Variants in CSMD1 observed in about 807,000 individuals in gnomAD.
CSMD1 encodes CUB and Sushi multiple domains 1.
Under a neutral mutation model 417.5 loss-of-function variants are expected in CSMD1, and 213 were observed. That is an observed-to-expected ratio of 0.51 (90% CI 0.46 to 0.57). The LOEUF is 0.57. CSMD1 is among the 20% of genes least tolerant of loss of function. CSMD1 has a pLI of 0.00. For missense variants in CSMD1, 6,923 were observed against 4,529.7 expected, an observed-to-expected ratio of 1.53 and a Z score of -15.17; for synonymous variants, 2,862 against 1,736.8, an observed-to-expected ratio of 1.65 and a Z score of -16.11.
chr8:3,837,478 C>G (rs1160076100), intron 5 of CSMD1, among the ~76,000 whole-genome samples: 1 of 152,028 alleles, frequency 6.6e-6, no homozygotes, highest in Non-Finnish European at 1.5e-5. Flanking sequence ...GGACCTAATG[C>G]TGAACAGCAG....
intron 5 of CSMD1, among the ~76,000 whole-genome samples, chr8:3,902,348 G>C (rs1437101445): frequency 6.6e-6 from 1 of 152,088 alleles, no homozygotes; most frequent in Admixed American, 6.6e-5. Flanking sequence ...TCAAATCTTG[G>C]CTTTTCTGTT....
intron 2 of CSMD1, among the ~76,000 whole-genome samples, chr8:4,486,481 G>C (rs891364135): frequency 6.6e-6 from 1 of 151,148 alleles, no homozygotes; most frequent in African/African-American, 2.4e-5. Flanking sequence ...CTTTATATTA[G>C]TTTTAGATTT....
At chr8:2,988,201 T>C (rs951891395) in intron 54 of CSMD1, among the ~76,000 whole-genome samples, 1 of 152,128 alleles carries the variant, frequency 6.6e-6, no homozygotes, top group African/African-American at 2.4e-5. Flanking sequence ...TTTAGTGAAG[T>C]TTTTGTGGTT....
rs370464423 is a variant in CSMD1, at chr8:4,589,941, G to C, written c.302+47401C>G. On this transcript the variant is annotated intron_variant, in intron 2 of 69. Coordinates refer to ENST00000635120, the MANE Select transcript of CSMD1 (RefSeq NM_033225.6). Reference sequence around the variant, plus strand: ...TGGCTTTTGTCTAACCCACACACTGGACCTGGAAGTTCCTAGGTTACTAGG... The same window carrying C: ...TGGCTTTTGTCTAACCCACACACTGCACCTGGAAGTTCCTAGGTTACTAGG... Among the ~76,000 whole-genome samples the C allele has an allele frequency of 5.9e-5, 9 of 152,206 alleles. No individual in the cohort carries two copies. In the South Asian group the frequency reaches 8.3e-4, roughly 14 times the overall value.
At chr8:3,747,614 G>A (rs528659905) in intron 6 of CSMD1, among the ~76,000 whole-genome samples, 1 of 152,102 alleles carries the variant, frequency 6.6e-6, no homozygotes, top group African/African-American at 2.4e-5. Flanking sequence ...ACATTTAGGT[G>A]ATTCTCAGTG....
chr8:3,827,071 C>G (rs973033222), intron 5 of CSMD1, among the ~76,000 whole-genome samples: 1 of 152,130 alleles, frequency 6.6e-6, no homozygotes, highest in Non-Finnish European at 1.5e-5. Context: ...CATGAGCCAC[C>G]AAGCCAGCCT....
At chr8:3,990,076 C>T (rs563867450) in intron 5 of CSMD1, among the ~76,000 whole-genome samples, 28 of 152,176 alleles carry the variant, frequency 1.8e-4, no homozygotes, top group South Asian at 8.3e-4. Context: ...ATGGAGTGGG[C>T]GCAATGGCCC....
At chr8:3,245,824 G>C (rs1232882531) in intron 26 of CSMD1, among the ~76,000 whole-genome samples, 2 of 152,182 alleles carry the variant, frequency 1.3e-5, no homozygotes, top group East Asian at 3.9e-4. Flanking sequence ...TTTATCTTGA[G>C]AACAAGTCTG....
chr8:3,644,837 T>A (rs188211728), intron 7 of CSMD1, among the ~76,000 whole-genome samples: 2 of 152,116 alleles, frequency 1.3e-5, no homozygotes, highest in African/African-American at 2.4e-5. Flanking sequence ...AACCCCGATG[T>A]GGTAACCTTC....
chr8:3,937,677 G>A (rs967114716), intron 5 of CSMD1, among the ~76,000 whole-genome samples: 25 of 152,114 alleles, frequency 1.6e-4, no homozygotes, highest in African/African-American at 6.0e-4. Context: ...AAGTACGGCT[G>A]CATATCAATA....
Position 3,017,917 on chromosome 8 carries a change from C to T in CSMD1, c.8029+560G>A, listed in dbSNP as rs1040597708. Among the ~76,000 whole-genome samples, 10 of 150,280 alleles carry T rather than the reference C, an allele frequency of 6.7e-5. No homozygotes were observed. In the South Asian group the frequency reaches 2.1e-3, roughly 32 times the overall value. On this transcript the variant is annotated intron_variant, in intron 52 of 69. Transcript: ENST00000635120. ...ATCACCAGCAGACCTACTAAGATCA[C>T]TCTTTACTAATACTTGTTCTTTAAA...
intron 3 of CSMD1, among the ~76,000 whole-genome samples, chr8:4,039,266 A>G (rs559742545): frequency 2.6e-5 from 4 of 152,180 alleles, no homozygotes; most frequent in East Asian, 1.9e-4. Flanking sequence ...TTAAGAAAAT[A>G]TAACTCCAAA....
intron 5 of CSMD1, among the ~76,000 whole-genome samples, chr8:3,817,398 A>C (rs1258452411): frequency 6.7e-6 from 1 of 149,752 alleles, no homozygotes; most frequent in East Asian, 2.0e-4. Flanking sequence ...CTTCTGCCTC[A>C]ACCTCCCAAG....
At chr8:3,858,608 T>C (rs1469170992) in intron 5 of CSMD1, among the ~76,000 whole-genome samples, 1 of 152,190 alleles carries the variant, frequency 6.6e-6, no homozygotes, top group Non-Finnish European at 1.5e-5. Flanking sequence ...CACCAAGTTC[T>C]CGAAGGCCTA....
intron 3 of CSMD1, among the ~76,000 whole-genome samples, chr8:4,354,863 G>A (rs1486764726): frequency 1.1e-5 from 1 of 91,298 alleles, no homozygotes; most frequent in Admixed American, 1.3e-4. Context: ...TGAGGAAAAT[G>A]TAGTGTGTGT....
At chr8:3,904,314 ACAT>A (rs920058598) in intron 5 of CSMD1, among the ~76,000 whole-genome samples, 1 of 152,034 alleles carries the variant, frequency 6.6e-6, no homozygotes, top group African/African-American at 2.4e-5. Context: ...TTTCATCCCA[ACAT>A]CATCAAGCCC....
intron 39 of CSMD1, among the ~76,000 whole-genome samples, chr8:3,155,056 G>C (rs1314626186): frequency 6.6e-6 from 1 of 152,056 alleles, no homozygotes; most frequent in African/African-American, 2.4e-5. Flanking sequence ...TTAAACATGT[G>C]CTAATATTTA....
chr8:4,437,891 A>T (rs973373644), intron 2 of CSMD1, among the ~76,000 whole-genome samples: 8 of 151,878 alleles, frequency 5.3e-5, no homozygotes, highest in African/African-American at 1.9e-4. Context: ...AAGTGGTCTC[A>T]CCTGAGAAGC....
chr8:4,855,996 G>C (rs1207087074), intron 1 of CSMD1, among the ~76,000 whole-genome samples: 1 of 151,754 alleles, frequency 6.6e-6, no homozygotes, highest in Non-Finnish European at 1.5e-5. Context: ...AGGAAAAAAT[G>C]TTAAGGGCAG....
Sources: allele counts gnomAD v4.1 joint callset (sites outside exome capture counted in the v4.1 genomes callset), GRCh38; gene constraint gnomAD v4.1.1; transcripts MANE v1.5; gene names NCBI Gene and HGNC (gene_info 2026-07-23, HGNC 2026-07-21).